NLRP9: variants seen among roughly 807,000 people sequenced by gnomAD.
NLRP9 encodes NLR family pyrin domain containing 9.
In NLRP9, 88 loss-of-function variants were observed where a neutral mutation model predicts 83.1. The observed-to-expected ratio is 1.06, with a 90% CI of 0.89 to 1.26. NLRP9 has a LOEUF of 1.26. Among genes scored for constraint, NLRP9 ranks in the 50% most tolerant of loss-of-function variants. The pLI is 0.00. For missense variants in NLRP9, 1,308 were observed against 1,179.3 expected, an observed-to-expected ratio of 1.11 and a Z score of -1.60; for synonymous variants, 521 against 447.6, an observed-to-expected ratio of 1.16 and a Z score of -2.07.
chr19:55,733,412 G>T lies in NLRP9; in HGVS notation c.419C>A (p.Thr140Asn), dbSNP rs751052080. The T allele has an allele frequency of 3.7e-6, 6 of 1,614,088 alleles. No individual in the cohort carries two copies. The highest frequency in any genetic ancestry group is 5.1e-6 in the Non-Finnish European group (6 of 1,179,968). ...CACAGTGTGTCGTCTAGCCGCAGCAGTATATGCGTCATTCAATTCTTTATA... is the reference window on the plus strand; with the variant it reads ...CACAGTGTGTCGTCTAGCCGCAGCATTATATGCGTCATTCAATTCTTTATA... ...NEYKELNDAY[T>N]AAARRHTVVL... The change falls in exon 2 of 9, where the codon ACT becomes AAT. Residue 140 changes from threonine (T) to asparagine (N), a missense_variant. Physicochemically the swap from Thr to Asn is moderately conservative, Grantham distance 65. Coordinates refer to ENST00000332836, the MANE Select transcript of NLRP9 (RefSeq NM_176820.4).
chr19:55,731,723 CAAA>C (rs56358571), intron 2 of NLRP9, among the ~76,000 whole-genome samples: 22 of 108,834 alleles, frequency 2.0e-4, no homozygotes, highest in Non-Finnish European at 2.3e-4. Context: ...GACTCCGTCT[CAAA>C]AAAAAAAAAA....
intron 4 of NLRP9, among the ~76,000 whole-genome samples, chr19:55,718,749 C>T (rs774929933): frequency 7.2e-5 from 11 of 152,316 alleles, no homozygotes; most frequent in Non-Finnish European, 1.5e-4. Flanking sequence ...AGTGCGGGTC[C>T]TCGCACGTTA....
At chr19:55,712,075 T>G in intron 7 of NLRP9, 105 bp from the exon 8 acceptor site, 1 of 1,148,658 alleles carries the variant, frequency 8.7e-7, no homozygotes, top group Non-Finnish European at 1.3e-6. Flanking sequence ...GACGCTCTGC[T>G]GTCTAGACCC....
intron 1 of NLRP9, among the ~76,000 whole-genome samples, chr19:55,736,350 C>T (rs1038311452): frequency 2.0e-5 from 3 of 152,082 alleles, no homozygotes; most frequent in African/African-American, 4.8e-5. Flanking sequence ...GAGATCGCGC[C>T]ACTGCACTCC....
intron 3 of NLRP9, among the ~76,000 whole-genome samples, chr19:55,728,702 T>C (rs1179797345): frequency 1.3e-5 from 2 of 152,174 alleles, no homozygotes; most frequent in African/African-American, 2.4e-5. Flanking sequence ...TCTGCACAAA[T>C]ATGTGGGCCA....
Position 55,715,151 on chromosome 19 carries a change from G to T in NLRP9, c.2405C>A (p.Ser802Tyr), listed in dbSNP as rs775649984. ...GGCATTTGAGCCCAGATCGAGGAGG[G>T]ACAGGGACTTACTGCACAAGAGGAC... is the stretch of plus-strand genomic sequence containing the variant. ...SEVLLCSKSL[S>Y]LLDLGSNALE... Residue 802 changes from serine to tyrosine, a missense_variant, in exon 6 of 9, where the codon TCC (serine) becomes TAC (tyrosine). Coordinates refer to ENST00000332836, the MANE Select transcript of NLRP9 (RefSeq NM_176820.4). 3.1e-6 allele frequency: 5 copies of T among 1,613,340 alleles called. No homozygotes were observed. The highest frequency in any genetic ancestry group is 4.2e-6 in the Non-Finnish European group (5 of 1,179,882).
intron 6 of NLRP9, among the ~76,000 whole-genome samples, chr19:55,713,400 G>A (rs1217521654): frequency 6.6e-6 from 1 of 151,774 alleles, no homozygotes; most frequent in Admixed American, 6.6e-5. Context: ...ACATAGATGT[G>A]TGGATAGGCA....
At position 55,729,861 on chromosome 19, in the gene NLRP9, G is replaced by A. The variant is rs1988518924; in HGVS notation, c.1964C>T (p.Ala655Val). Residue 655 changes from alanine (A) to valine (V), a missense_variant, in exon 3 of 9, where the codon GCT becomes GTT. Transcript: ENST00000332836. ...TTTTCGGAGTTTACAAACAGGCTGA[G>A]CCAGCGCTTTGCAAAGAATCGCCAG... ...PSLAILCKAL[A>V]QPVCKLRKLI... 1.2e-6 allele frequency: 2 copies of A among 1,613,686 alleles called. No individual in the cohort carries two copies. The highest frequency in any genetic ancestry group is 1.3e-5 in the African/African-American group (1 of 74,906).
Position 55,732,759 on chromosome 19 carries a change from C to G in NLRP9, c.1072G>C (p.Glu358Gln). 6.2e-7 allele frequency: 1 copy of G among 1,614,132 alleles called. No homozygotes were observed. The highest frequency in any genetic ancestry group is 8.5e-7 in the Non-Finnish European group (1 of 1,180,002). The change falls in exon 2 of 9, where the codon GAA becomes CAA. Residue 358 changes from glutamate to glutamine, a missense_variant. Physicochemically the swap from Glu to Gln is conservative, Grantham distance 29. Coordinates refer to ENST00000332836, the MANE Select transcript of NLRP9 (RefSeq NM_176820.4). Reference protein sequence around the residue: ...KQRLERGEDLEINSQNTTYLY... With the variant: ...KQRLERGEDLQINSQNTTYLY... ...TAGGTGGTGTTTTGGGAGTTTATTT[C>G]AAGGTCTTCTCCCCTCTCTAGCCTC...
chr19:55,709,456 T>C (rs1275024647), intron 8 of NLRP9: 2 of 152,676 alleles, frequency 1.3e-5, no homozygotes, highest in African/African-American at 4.8e-5. Flanking sequence ...ACTTCTACAA[T>C]TACCAATATT....
In NLRP9 at chr19:55,708,771, A is replaced by T. The variant is rs1987555334; in HGVS notation, c.*141T>A. ...ACACTGAATCACACTCCATAATCAT[A>T]TTGCTAGAACACTTAGGGAGTACCT... On this transcript the variant is annotated 3_prime_UTR_variant, in exon 9 of 9. Coordinates refer to ENST00000332836, the MANE Select transcript of NLRP9 (RefSeq NM_176820.4). 1 of 571,966 alleles carries T rather than the reference A, an allele frequency of 1.7e-6. No individual in the cohort carries two copies. The highest frequency in any genetic ancestry group is 3.1e-5 in the East Asian group (1 of 32,664). 35.4% of individuals were successfully genotyped at this position (571,966 alleles called of 1,614,324 possible). A position where few individuals can be genotyped will look rare whatever the true frequency, so the allele number is the denominator to read the frequency against.
chr19:55,724,030 T>A lies in NLRP9; in HGVS notation c.2109A>T (p.Arg703Ser). The change falls in exon 4 of 9, where the codon AGA (arginine) becomes AGT (serine). Residue 703 changes from arginine (R) to serine (S), a missense_variant. Coordinates refer to ENST00000332836, the MANE Select transcript of NLRP9 (RefSeq NM_176820.4). ...YGTSLSQSDI[R>S]HLCETLKHPM... ...GATGTTTCAGCGTCTCACACAGGTGTCTGATGTCAGACTGGGAGAGGCTAG... is the reference window on the plus strand; with the variant it reads ...GATGTTTCAGCGTCTCACACAGGTGACTGATGTCAGACTGGGAGAGGCTAG... 1.9e-6 allele frequency: 3 copies of A among 1,614,038 alleles called. No homozygotes were observed. The highest frequency in any genetic ancestry group is 2.5e-6 in the Non-Finnish European group (3 of 1,179,916).
At position 55,716,816 on chromosome 19, in the gene NLRP9, A is replaced by G. The variant is rs145321090; in HGVS notation, c.2242T>C (p.Ser748Pro). The G allele has an allele frequency of 1.1e-5, 17 of 1,613,870 alleles. No homozygotes were observed. The African/African-American group carries it at 2.1e-4, about 20-fold the overall frequency. Reference protein sequence around the residue: ...LACNSKLKHLSLVENPLRDEG... With the variant: ...LACNSKLKHLPLVENPLRDEG... ...TCCCTCAAGGGATTTTCTACCAAGG[A>G]GAGGTGTTTCAGCTTGCTGTTGCAG... is the stretch of plus-strand genomic sequence containing the variant. The change falls in exon 5 of 9, where the codon TCC (serine) becomes CCC (proline). Residue 748 changes from serine to proline, a missense_variant. Coordinates refer to ENST00000332836, the MANE Select transcript of NLRP9 (RefSeq NM_176820.4).
At chr19:55,733,582 TA>T (rs761168057) in intron 1 of NLRP9, 32 bp from the exon 2 acceptor site, 1 of 1,214,982 alleles carries the variant, frequency 8.2e-7, no homozygotes, top group Admixed American at 2.4e-5. Flanking sequence ...ATAAGATAGG[TA>T]AAAATGCACT....
At chr19:55,711,137 G>A (rs963081651) in intron 8 of NLRP9, among the ~76,000 whole-genome samples, 1 of 150,918 alleles carries the variant, frequency 6.6e-6, no homozygotes, top group African/African-American at 2.4e-5. Flanking sequence ...AACATATTGT[G>A]AACTTTTCTT....
chr19:55,732,410 G>A lies in NLRP9; in HGVS notation c.1421C>T (p.Thr474Ile), dbSNP rs745686182. ...DDPNPAIGSITQLVRASVVQP... is the reference protein window; with the variant it reads ...DDPNPAIGSIIQLVRASVVQP... ...AACCACACTTGCTCTTACAAGCTGG[G>A]TTATGCTTCCAATGGCCGGGTTAGG... is the stretch of plus-strand genomic sequence containing the variant. Residue 474 changes from threonine (T) to isoleucine (I), a missense_variant, in exon 2 of 9, where the codon ACC becomes ATC. Transcript: ENST00000332836. 1.9e-6 allele frequency: 3 copies of A among 1,614,088 alleles called. No individual in the cohort carries two copies. Among genetic ancestry groups the A allele is most frequent in the Middle Eastern group, 1.6e-4 (1 of 6,084 alleles).
intron 4 of NLRP9, among the ~76,000 whole-genome samples, chr19:55,719,542 C>T (rs553026181): frequency 1.2e-4 from 19 of 152,308 alleles, no homozygotes; most frequent in African/African-American, 4.1e-4. Context: ...GTTTGCTCTC[C>T]ATTGTGATAA....
chr19:55,709,147 C>T (rs1370497864), intron 8 of NLRP9, 103 bp from the exon 9 acceptor site: 13 of 731,116 alleles, frequency 1.8e-5, no homozygotes, highest in South Asian at 5.0e-5. Context: ...TTATTCTTTC[C>T]TAGAAATCAC....
intron 4 of NLRP9, among the ~76,000 whole-genome samples, chr19:55,722,639 G>A (rs1480200213): frequency 6.6e-6 from 1 of 152,118 alleles, no homozygotes; most frequent in East Asian, 1.9e-4. Flanking sequence ...GACTTCCTTT[G>A]TTCTCTTTGG....
Sources: allele counts gnomAD v4.1 joint callset (sites outside exome capture counted in the v4.1 genomes callset), GRCh38; gene constraint gnomAD v4.1.1; transcripts MANE v1.5; gene names NCBI Gene and HGNC (gene_info 2026-07-23, HGNC 2026-07-21).